Variants in MYO5C observed in about 807,000 individuals in gnomAD.
MYO5C encodes unconventional myosin-Vc.
A neutral mutation model predicts 235.7 loss-of-function variants in MYO5C; 194 were observed. The observed-to-expected ratio is 0.82, with a 90% CI of 0.73 to 0.93. The LOEUF (loss-of-function observed/expected upper bound fraction) is 0.93. Among genes scored for constraint, MYO5C ranks in the 40% least tolerant of loss-of-function variants. The pLI, the probability that MYO5C is intolerant of heterozygous loss-of-function variation, is 0.00. For missense variants in MYO5C, 2,038 were observed against 2,127.2 expected (o/e 0.96, Z 0.82); for synonymous variants, 707 against 754.8 (o/e 0.94, Z 1.04).
Position 52,254,625 on chromosome 15 carries a change from G to A in MYO5C, c.1396-1168C>T, listed in dbSNP as rs568781275. ...CTCCTGGGAGGATCTACACATTGAT[G>A]GATGACTCAGAAAAAGGAGAAGAGG... On this transcript the variant is annotated intron_variant, in intron 11 of 40. Coordinates refer to ENST00000261839, the MANE Select transcript of MYO5C (RefSeq NM_018728.4). 7.9e-5 allele frequency among the ~76,000 whole-genome samples: 12 copies of A among 151,990 alleles called. No homozygotes were observed. The South Asian group carries it at 2.3e-3, about 29-fold the overall frequency.
intron 12 of MYO5C, among the ~76,000 whole-genome samples, chr15:52,252,013 C>T (rs902141883): frequency 6.6e-6 from 1 of 152,064 alleles, no homozygotes; most frequent in African/African-American, 2.4e-5. Context: ...TATCCTTGAT[C>T]TTAATCTTTA....
chr15:52,252,059 CAATT>C (rs2036484481), intron 12 of MYO5C, among the ~76,000 whole-genome samples: 1 of 152,016 alleles, frequency 6.6e-6, no homozygotes, highest in African/African-American at 2.4e-5. Context: ...TGACAAATAA[CAATT>C]ATATATATTT....
At position 52,286,329 on chromosome 15, in the gene MYO5C, C is replaced by G. The variant is rs1466983265; in HGVS notation, c.28-3437G>C. 8.6e-5 allele frequency among the ~76,000 whole-genome samples: 13 copies of G among 150,438 alleles called. No individual in the cohort carries two copies. In the South Asian group the frequency reaches 2.5e-3, roughly 29 times the overall value. On this transcript the variant is annotated intron_variant, in intron 1 of 40. Coordinates refer to ENST00000261839, the MANE Select transcript of MYO5C (RefSeq NM_018728.4). ...CGGGAGGGAGGTGGGGGGGGTCAGC[C>G]CCCCGCCCGGCCAGCCGCCCCGTCC...
At chr15:52,208,787 A>G in intron 35 of MYO5C, 144 bp from the exon 36 acceptor site, 1 of 591,140 alleles carries the variant, frequency 1.7e-6, no homozygotes, top group Non-Finnish European at 3.0e-6. Context: ...TATTATACTT[A>G]TAAGAACTTA....
At position 52,271,732 on chromosome 15, in the gene MYO5C, G is replaced by C. The variant is rs193279744; in HGVS notation, c.832+31C>G. On this transcript the variant is annotated intron_variant, in intron 7 of 40. Coordinates refer to ENST00000261839, the MANE Select transcript of MYO5C (RefSeq NM_018728.4). ...TAGAATTTAAGCCCTCCATAAAAGA[G>C]AGACCCTTTCATACACGATCCATCA... 4,350 of 1,315,978 alleles carry C rather than the reference G, an allele frequency of 3.3e-3. 28 individuals are homozygous for C. Among genetic ancestry groups the C allele is most frequent in the South Asian group, 0.015 (926 of 60,916 alleles). 81.5% of individuals were successfully genotyped at this position (1,315,978 alleles called of 1,614,324 possible). A position where few individuals can be genotyped will look rare whatever the true frequency, so the allele number is the denominator to read the frequency against.
chr15:52,250,242 C>CTTTTTTTTT (rs926393877), intron 13 of MYO5C, among the ~76,000 whole-genome samples: 1 of 85,684 alleles, frequency 1.2e-5, no homozygotes, highest in African/African-American at 4.3e-5. Context: ...TTTTCTTTTT[C>CTTTTTTTTT]TTTTTCTTTT....
At chr15:52,214,891 A>G (rs1459276775) in intron 32 of MYO5C, among the ~76,000 whole-genome samples, 1 of 152,204 alleles carries the variant, frequency 6.6e-6, no homozygotes, top group African/African-American at 2.4e-5. Flanking sequence ...TTATTACTCC[A>G]AAAATAAAAC....
In MYO5C at chr15:52,209,704, T is replaced by G. The variant is rs143882311; in HGVS notation, c.4297-1061A>C. ...GGCTGGAACACAATGCCAGCTTGTC[T>G]TAAGAAAACCCAATTTATGCAAATA... On this transcript the variant is annotated intron_variant, in intron 35 of 40. Transcript: ENST00000261839. 2.0e-3 allele frequency among the ~76,000 whole-genome samples: 304 copies of G among 152,352 alleles called. 2 individuals are homozygous for G. Among genetic ancestry groups the G allele is most frequent in the Non-Finnish European group, 2.9e-3 (196 of 68,032 alleles).
chr15:52,289,140 C>T (rs951864730), intron 1 of MYO5C, among the ~76,000 whole-genome samples: 1 of 152,084 alleles, frequency 6.6e-6, no homozygotes, highest in Non-Finnish European at 1.5e-5. Context: ...TCCTCCTCCT[C>T]TTCATTCGCT....
rs2035123168 is a variant in MYO5C at position 52,199,069 on chromosome 15, AT to A, written c.4821-2587del. Reference sequence around the variant, plus strand: ...CACCAAACCTGGCTAATTTTTTTGTATTTTTAGTAGAGACAGGGTTTCACTG... The same window carrying A: ...CACCAAACCTGGCTAATTTTTTTGTATTTTAGTAGAGACAGGGTTTCACTG... On this transcript the variant is annotated intron_variant, in intron 38 of 40. Coordinates refer to ENST00000261839, the MANE Select transcript of MYO5C (RefSeq NM_018728.4). 2.7e-5 allele frequency among the ~76,000 whole-genome samples: 4 copies of A among 149,900 alleles called. No individual in the cohort carries two copies. The South Asian group carries it at 8.4e-4, about 32-fold the overall frequency.
chr15:52,206,801 A>G (rs1260382405), intron 36 of MYO5C, among the ~76,000 whole-genome samples: 1 of 152,244 alleles, frequency 6.6e-6, no homozygotes, highest in Non-Finnish European at 1.5e-5. Flanking sequence ...TATGTTTAAC[A>G]TGTTCAAAGA....
intron 1 of MYO5C, among the ~76,000 whole-genome samples, chr15:52,286,560 G>A (rs2037278934): frequency 6.6e-6 from 1 of 152,182 alleles, no homozygotes; most frequent in African/African-American, 2.4e-5. Context: ...GTAGAAAGAG[G>A]TAGACATGGG....
Position 52,221,106 on chromosome 15 carries a change from T to C in MYO5C, c.3721+56A>G, listed in dbSNP as rs1035672887. ...TGAGTACAAGGACATTTCAATGTCATTTCCGGGGTACAGGAAACCGTTTTC... is the reference window on the plus strand; with the variant it reads ...TGAGTACAAGGACATTTCAATGTCACTTCCGGGGTACAGGAAACCGTTTTC... On this transcript the variant is annotated intron_variant, in intron 30 of 40. Transcript: ENST00000261839. The C allele has an allele frequency of 8.7e-6, 12 of 1,375,768 alleles. No individual in the cohort carries two copies. In the African/African-American group the frequency reaches 1.4e-4, roughly 17 times the overall value. The allele number at this position is 1,375,768 out of a possible 1,614,324, so 85.2% of individuals were successfully genotyped here.
chr15:52,235,945 G>A (rs1001421285), intron 22 of MYO5C, among the ~76,000 whole-genome samples, 182 bp from the exon 23 acceptor site: 1 of 152,160 alleles, frequency 6.6e-6, no homozygotes, highest in Non-Finnish European at 1.5e-5. Flanking sequence ...ACATGCAAGA[G>A]CTCAACGTGA....
chr15:52,282,871 C>G lies in MYO5C; in HGVS notation c.49G>C (p.Asp17His), dbSNP rs374199718. 8 of 1,613,362 alleles carry G rather than the reference C, an allele frequency of 5.0e-6. No homozygotes were observed. In the South Asian group the frequency reaches 5.5e-5, roughly 11 times the overall value. ...YTQYNRVWIP[D>H]PEEVWKSAEI... Reference sequence around the variant, plus strand: ...GCAGACTTCCAAACTTCTTCAGGATCGGGAATCCAGACCCTGTTGTACTGA... The same window carrying G: ...GCAGACTTCCAAACTTCTTCAGGATGGGGAATCCAGACCCTGTTGTACTGA... The change falls in exon 2 of 41, where the codon GAT becomes CAT. Residue 17 changes from aspartate (D) to histidine (H), a missense_variant. Asp to His is a moderately conservative substitution (Grantham distance 81). Coordinates refer to ENST00000261839, the MANE Select transcript of MYO5C (RefSeq NM_018728.4).
Position 52,205,078 on chromosome 15 carries a change from C to A in MYO5C, c.4607G>T (p.Arg1536Leu). ...SGLKPTGFRKRSSSIDDTDGY... is the reference protein window; with the variant it reads ...SGLKPTGFRKLSSSIDDTDGY... ...GTCCGTGTCGTCTATGCTAGAGGAG[C>A]GCTTCCGGAAGCCTGTGGGCTTCAG... Residue 1536 changes from arginine (R) to leucine (L), a missense_variant, in exon 38 of 41, where the codon CGC (arginine) becomes CTC (leucine). Arg to Leu is a moderately radical substitution (Grantham distance 102, BLOSUM62 -2). Coordinates refer to ENST00000261839, the MANE Select transcript of MYO5C (RefSeq NM_018728.4). The A allele has an allele frequency of 6.2e-7, 1 of 1,614,214 alleles. No homozygotes were observed. The highest frequency in any genetic ancestry group is 8.5e-7 in the Non-Finnish European group (1 of 1,180,042).
intron 14 of MYO5C, among the ~76,000 whole-genome samples, chr15:52,248,426 G>A (rs1424667006): frequency 2.0e-5 from 3 of 152,174 alleles, no homozygotes; most frequent in African/African-American, 7.2e-5. Context: ...GATTACAGGC[G>A]TGAGCCACCA....
chr15:52,266,802 C>T (rs1310586030), intron 8 of MYO5C, among the ~76,000 whole-genome samples: 3 of 152,192 alleles, frequency 2.0e-5, no homozygotes, highest in Admixed American at 2.0e-4. Flanking sequence ...CTGATGACCT[C>T]GTGCAAGGTG....
At chr15:52,258,852 T>C (rs1194826230) in intron 10 of MYO5C, among the ~76,000 whole-genome samples, 2 of 152,236 alleles carry the variant, frequency 1.3e-5, no homozygotes, top group South Asian at 2.1e-4. Flanking sequence ...TCCACATAGC[T>C]GAAAAATTCA....
Sources: allele counts gnomAD v4.1 joint callset (sites outside exome capture counted in the v4.1 genomes callset), GRCh38; gene constraint gnomAD v4.1.1; transcripts MANE v1.5; gene names NCBI Gene and HGNC (gene_info 2026-07-23, HGNC 2026-07-21).